The following MIGA1 variants were observed in gnomAD, a reference collection of about 807,000 sequenced individuals.
The protein encoded by MIGA1 is mitoguardin 1.
MIGA1 carries 58 observed loss-of-function variants against 82.0 expected under a neutral mutation model. That is an observed-to-expected ratio of 0.71 (90% confidence interval 0.57 to 0.88). MIGA1 has a LOEUF of 0.88. MIGA1 is among the 40% of genes least tolerant of loss of function. MIGA1 has a pLI of 0.00. For synonymous variants in MIGA1, 249 were observed against 253.6 expected (o/e 0.98, Z 0.17); for missense variants, 751 against 749.1 (o/e 1.00, Z -0.03).
At chr1:77,866,695 T>C (rs912023957) in intron 14 of MIGA1, among the ~76,000 whole-genome samples, 1 of 151,078 alleles carries the variant, frequency 6.6e-6, no homozygotes, top group Non-Finnish European at 1.5e-5. Context: ...ATTTTTTTTT[T>C]TTTTTTTTGA....
At chr1:77,781,109 A>G (rs1234751240) in intron 1 of MIGA1, among the ~76,000 whole-genome samples, 1 of 151,860 alleles carries the variant, frequency 6.6e-6, no homozygotes. Context: ...GGGTTTCGCT[A>G]TATTGGCCAG....
At chr1:77,805,654 C>T (rs1321042034) in intron 4 of MIGA1, among the ~76,000 whole-genome samples, 2 of 151,456 alleles carry the variant, frequency 1.3e-5, no homozygotes, top group African/African-American at 2.4e-5. Context: ...CTCAGCCTCC[C>T]GAGTAGCTGG....
intron 5 of MIGA1, among the ~76,000 whole-genome samples, chr1:77,809,107 A>AAACAACAAC (rs202191692): frequency 2.0e-5 from 3 of 151,468 alleles, no homozygotes; most frequent in South Asian, 4.2e-4. Context: ...CGTTTTCTTA[A>AAACAACAAC]AACAACAACA....
In MIGA1 at chr1:77,860,021, G is replaced by T; in HGVS notation, c.1189-19G>T. ...TCATTATAGGTCTCTTTTTTCTTTG[G>T]GGATGAATATTTTTTCAGGTAATTC... On this transcript the variant is annotated intron_variant, in intron 10 of 15. Transcript: ENST00000370791. 1 of 1,538,908 alleles carries T rather than the reference G, an allele frequency of 6.5e-7. No individual in the cohort carries two copies. Among genetic ancestry groups the T allele is most frequent in the Admixed American group, 1.8e-5 (1 of 56,234 alleles).
chr1:77,874,273 T>C (rs970890890), intron 15 of MIGA1, among the ~76,000 whole-genome samples: 12 of 152,130 alleles, frequency 7.9e-5, no homozygotes, highest in Admixed American at 5.9e-4. Flanking sequence ...TGAAATGAAA[T>C]ATCCTTCAGG....
At chr1:77,870,238 C>T (rs1685900569) in intron 14 of MIGA1, among the ~76,000 whole-genome samples, 1 of 131,704 alleles carries the variant, frequency 7.6e-6, no homozygotes, top group African/African-American at 2.8e-5. Flanking sequence ...CCCCCACCTC[C>T]CTCCCGGTCG....
At chr1:77,836,544 A>T (rs2101872148) in intron 7 of MIGA1, among the ~76,000 whole-genome samples, 1 of 152,344 alleles carries the variant, frequency 6.6e-6, no homozygotes, top group African/African-American at 2.4e-5. Flanking sequence ...GCGTTTGGTA[A>T]TGATAGTAAT....
chr1:77,846,934 G>C (rs1684865759), intron 8 of MIGA1, among the ~76,000 whole-genome samples: 1 of 152,020 alleles, frequency 6.6e-6, no homozygotes, highest in Non-Finnish European at 1.5e-5. Context: ...GCAACAGCGA[G>C]ACTGTCTCAA....
At chr1:77,783,491 G>T in intron 2 of MIGA1, 140 bp downstream of exon 2, 1 of 450,630 alleles carries the variant, frequency 2.2e-6, no homozygotes, top group Non-Finnish European at 3.7e-6. Context: ...AAACCTACTT[G>T]GTTATTTCAC....
intron 7 of MIGA1, among the ~76,000 whole-genome samples, chr1:77,831,981 T>C (rs541952522): frequency 5.4e-4 from 83 of 152,370 alleles, no homozygotes; most frequent in Non-Finnish European, 9.1e-4. Context: ...TTCCAACTTA[T>C]TAATCTCTAA....
At position 77,859,047 on chromosome 1, in the gene MIGA1, G is replaced by T. The variant is rs1305945142; in HGVS notation, c.1106G>T (p.Arg369Ile). The change falls in exon 9 of 16, where the codon AGA becomes ATA. Residue 369 changes from arginine (R) to isoleucine (I), a missense_variant. Physicochemically the swap from Arg to Ile is moderately conservative, Grantham distance 97. Transcript: ENST00000370791. ...GTTGAAGAAGGAAAAATTTACTCCA[G>T]AGTACTGAGGTACCATTTCAGTTTT... 8 of 1,579,914 alleles carry T rather than the reference G, an allele frequency of 5.1e-6. No homozygotes were observed. Among genetic ancestry groups the T allele is most frequent in the South Asian group, 1.1e-5 (1 of 90,402 alleles).
At chr1:77,794,748 G>A (rs1682581774) in intron 2 of MIGA1, among the ~76,000 whole-genome samples, 3 of 152,170 alleles carry the variant, frequency 2.0e-5, no homozygotes, top group Admixed American at 2.0e-4. Flanking sequence ...GCTCTGGTGA[G>A]CTGTGATTGC....
At chr1:77,816,515 G>A (rs1683578358) in intron 7 of MIGA1, among the ~76,000 whole-genome samples, 2 of 152,246 alleles carry the variant, frequency 1.3e-5, no homozygotes, top group Admixed American at 1.3e-4. Flanking sequence ...AAAAGATTTT[G>A]TTTGTATTAG....
At chr1:77,815,076 A>T (rs1164037151) in intron 6 of MIGA1, 32 bp from the exon 7 acceptor site, 1 of 1,397,184 alleles carries the variant, frequency 7.2e-7, no homozygotes, top group Non-Finnish European at 9.6e-7. Context: ...TTAGAATTTA[A>T]TTTGTTCTGT....
chr1:77,801,268 G>A, intron 2 of MIGA1, 63 bp from the exon 3 acceptor site: 2 of 1,207,458 alleles, frequency 1.7e-6, no homozygotes, highest in Non-Finnish European at 2.3e-6. Context: ...TTAGTTATTA[G>A]GTCCTTCTTT....
In MIGA1 at chr1:77,876,826, G is replaced by T. The variant is rs1646897392; in HGVS notation, c.*1762G>T. 1 of 152,144 alleles carries T rather than the reference G, an allele frequency of 6.6e-6. No individual in the cohort carries two copies. Among genetic ancestry groups the T allele is most frequent in the Non-Finnish European group, 1.5e-5 (1 of 68,020 alleles). The allele number at this position is 152,144 out of a possible 1,614,324, so 9.4% of individuals were successfully genotyped here. A position where few individuals can be genotyped will look rare whatever the true frequency, so the allele number is the denominator to read the frequency against. On this transcript the variant is annotated 3_prime_UTR_variant, in exon 16 of 16. Coordinates refer to ENST00000370791, the MANE Select transcript of MIGA1 (RefSeq NM_198549.4). ...CAAATGAATTGTTTTTATGGGTGGA[G>T]TTCTTCTATAAGAGTATATTAAATG...
At chr1:77,850,900 G>C (rs1685021982) in intron 8 of MIGA1, among the ~76,000 whole-genome samples, 1 of 148,542 alleles carries the variant, frequency 6.7e-6, no homozygotes, top group African/African-American at 2.5e-5. Context: ...ATGGAGTTTT[G>C]CTCTTGTCAC....
rs763720835 is a variant in MIGA1, at chr1:77,858,966, C to G, written c.1025C>G (p.Thr342Ser). 1.7e-5 allele frequency: 27 copies of G among 1,613,292 alleles called. No homozygotes were observed. Among genetic ancestry groups the G allele is most frequent in the Middle Eastern group, 1.6e-4 (1 of 6,082 alleles). Reference sequence around the variant, plus strand: ...GCAGAACACAGAGAAGTACGGCATACCTACAGCCTGGAGTCCCTTTGTCAC... The same window carrying G: ...GCAGAACACAGAGAAGTACGGCATAGCTACAGCCTGGAGTCCCTTTGTCAC... Residue 342 changes from threonine (T) to serine (S), a missense_variant, in exon 9 of 16, where the codon ACC becomes AGC. Physicochemically the swap from Thr to Ser is moderately conservative, Grantham distance 58 (BLOSUM62 1). This residue lies in a region of MIGA1 where 482 missense variants were observed against 439.4 expected (regional missense o/e 1.10). Coordinates refer to ENST00000370791, the MANE Select transcript of MIGA1 (RefSeq NM_198549.4).
intron 7 of MIGA1, among the ~76,000 whole-genome samples, chr1:77,832,198 T>C (rs1684268767): frequency 6.6e-6 from 1 of 152,252 alleles, no homozygotes; most frequent in Non-Finnish European, 1.5e-5. Context: ...CAGGAATTTT[T>C]GTGGCTTTAT....
Sources: gnomAD v4.1 joint callset for allele counts (sites outside exome capture counted in the v4.1 genomes callset) on GRCh38, gnomAD v4.1.1 for gene constraint, gnomAD v4.1.1 regional missense constraint, MANE v1.5 for transcripts, NCBI Gene and HGNC (gene_info 2026-07-23, HGNC 2026-07-21) for gene names.